EBF3: variants seen among roughly 807,000 people sequenced by gnomAD.
The protein encoded by EBF3 is transcription factor COE3.
In EBF3, 18 loss-of-function variants were observed where a neutral mutation model predicts 77.1. The ratio of observed to expected loss-of-function variants is 0.23; its 90% confidence interval spans 0.16 to 0.35. EBF3 has a LOEUF of 0.35. Among genes scored for constraint, EBF3 ranks in the 10% least tolerant of loss-of-function variants. EBF3 has a pLI of 1.00. For missense variants in EBF3, 558 were observed against 860.0 expected (o/e 0.65, Z 4.39); for synonymous variants, 350 against 343.5 (o/e 1.02, Z -0.21).
chr10:129,863,631 G>A lies in EBF3; in HGVS notation c.1039+3510C>T, dbSNP rs1022374666. Among the ~76,000 whole-genome samples the A allele has an allele frequency of 1.3e-5, 2 of 152,236 alleles. No individual in the cohort carries two copies. Among genetic ancestry groups the A allele is most frequent in the African/African-American group, 2.4e-5 (1 of 41,464 alleles). On this transcript the variant is annotated intron_variant, in intron 10 of 16. Transcript: ENST00000440978. This position sits in a 1 kb window ranked among gnomAD's most constrained non-coding sequence, Gnocchi z 4.0. ...GCCTCCGGGGCTGGGGGACACTGAT[G>A]GGAACCAGACGCCCAGGGGACGGTG...
Position 129,841,013 on chromosome 10 carries a change from T to C in EBF3, c.1392A>G (p.Thr464=), listed in dbSNP as rs914825432. 1 of 1,612,076 alleles carries C rather than the reference T, an allele frequency of 6.2e-7. No homozygotes were observed. Among genetic ancestry groups the C allele is most frequent in the Admixed American group, 1.7e-5 (1 of 59,802 alleles). The change falls in exon 14 of 17, where the codon ACA becomes ACG. Residue 464 remains threonine, a synonymous_variant. Transcript: ENST00000440978. The surrounding 1 kb of genome is among the most constrained non-coding windows in gnomAD (Gnocchi z 4.6). The part of the protein sequence containing the change: ...ANDQVGYSRN[T]SSVSPRGYVP... ...CGTAGCCTCGCGGGGACACGCTGCT[T>C]GTATTGCGACTGTAGCCGACTGTTG...
chr10:129,957,627 TGAG>T (rs1028548040), intron 5 of EBF3, among the ~76,000 whole-genome samples: 15 of 152,344 alleles, frequency 9.8e-5, no homozygotes, highest in African/African-American at 3.6e-4. Context: ...TGCAATGAAC[TGAG>T]GAGAAGGGAA....
chr10:129,912,361 T>A (rs989443559), intron 6 of EBF3, among the ~76,000 whole-genome samples: 4 of 152,216 alleles, frequency 2.6e-5, no homozygotes, highest in African/African-American at 9.6e-5. Context: ...TATGCAGAGC[T>A]GCCTGCTCAC....
chr10:129,936,755 TGTGG>T (rs1564906474), intron 6 of EBF3, among the ~76,000 whole-genome samples: 2 of 143,140 alleles, frequency 1.4e-5, no homozygotes, highest in Non-Finnish European at 3.1e-5. Flanking sequence ...CCCTCAGCTG[TGTGG>T]GGACCCAGGG....
intron 6 of EBF3, among the ~76,000 whole-genome samples, chr10:129,915,202 T>G (rs1021879391): frequency 6.6e-6 from 1 of 152,042 alleles, no homozygotes; most frequent in African/African-American, 2.4e-5. Context: ...GATGCTGCAA[T>G]GGGGCGCTGG....
chr10:129,871,415 A>G (rs1392007587), intron 8 of EBF3, among the ~76,000 whole-genome samples: 3 of 152,234 alleles, frequency 2.0e-5, no homozygotes, highest in Non-Finnish European at 4.4e-5. Flanking sequence ...GTTTACTTGG[A>G]AACCATCAGC....
intron 10 of EBF3, among the ~76,000 whole-genome samples, chr10:129,866,516 T>C (rs922162143): frequency 5.3e-5 from 8 of 152,238 alleles, no homozygotes; most frequent in African/African-American, 1.7e-4. Flanking sequence ...AACTGTAAGA[T>C]AGCAAGCATG....
intron 6 of EBF3, among the ~76,000 whole-genome samples, chr10:129,945,645 G>A (rs1225653462): frequency 2.0e-5 from 3 of 152,188 alleles, no homozygotes; most frequent in Non-Finnish European, 4.4e-5. Flanking sequence ...TAACATGACA[G>A]TTAAACCATG....
intron 10 of EBF3, among the ~76,000 whole-genome samples, chr10:129,850,833 G>C (rs1464251485): frequency 6.6e-6 from 1 of 152,142 alleles, no homozygotes; most frequent in South Asian, 2.1e-4. Flanking sequence ...GGCCCCTCTG[G>C]CCCACAGCCC....
chr10:129,908,678 T>C (rs556204010), intron 6 of EBF3, among the ~76,000 whole-genome samples: 1 of 152,328 alleles, frequency 6.6e-6, no homozygotes, highest in South Asian at 2.1e-4. Context: ...GTGGCGTTGA[T>C]CGGATTTCCC....
chr10:129,875,552 CA>C (rs929783135), intron 7 of EBF3, among the ~76,000 whole-genome samples: 2 of 152,232 alleles, frequency 1.3e-5, no homozygotes, highest in African/African-American at 4.8e-5. Context: ...AGGGGCGGTA[CA>C]CACGCATCCC....
chr10:129,931,177 A>G (rs1857004259), intron 6 of EBF3, among the ~76,000 whole-genome samples: 1 of 152,198 alleles, frequency 6.6e-6, no homozygotes, highest in Non-Finnish European at 1.5e-5. Flanking sequence ...GTCTTTCTGG[A>G]AAACTCTGAC....
intron 6 of EBF3, among the ~76,000 whole-genome samples, chr10:129,953,614 G>T (rs926971499): frequency 6.6e-6 from 1 of 152,296 alleles, no homozygotes; most frequent in Admixed American, 6.5e-5. Context: ...ATCTGGAACC[G>T]CCCCGCCGAG....
chr10:129,849,215 C>T (rs887572617), intron 10 of EBF3, among the ~76,000 whole-genome samples: 2 of 152,230 alleles, frequency 1.3e-5, no homozygotes, highest in African/African-American at 4.8e-5. Flanking sequence ...TTATAAGGAG[C>T]CATCGGGCTT....
rs570070459 is a variant in EBF3, at chr10:129,946,838, T to C, written c.554+10420A>G. Among the ~76,000 whole-genome samples, 4 of 152,344 alleles carry C rather than the reference T, an allele frequency of 2.6e-5. No individual in the cohort carries two copies. In the East Asian group the frequency reaches 5.8e-4, roughly 22 times the overall value. On this transcript the variant is annotated intron_variant, in intron 6 of 16. Transcript: ENST00000440978. ...CTCATTTATTTGTTCAAGGTAATGA[T>C]CTTTGGGGAAAGGGCTGTTATATTT...
chr10:129,865,857 G>T (rs957426565), intron 10 of EBF3, among the ~76,000 whole-genome samples: 2 of 152,160 alleles, frequency 1.3e-5, no homozygotes, highest in Admixed American at 1.3e-4. Context: ...CCCATTGGGC[G>T]TCCTTCAGGT....
chr10:129,932,803 C>T (rs1223268553), intron 6 of EBF3, among the ~76,000 whole-genome samples: 1 of 152,072 alleles, frequency 6.6e-6, no homozygotes, highest in African/African-American at 2.4e-5. Context: ...GGAGGCCGAG[C>T]TTCGGAACAA....
intron 3 of EBF3, 30 bp downstream of exon 3, chr10:129,962,912 A>AG (rs1438789717): frequency 6.2e-7 from 1 of 1,612,438 alleles, no homozygotes; most frequent in Admixed American, 1.7e-5. Flanking sequence ...CAGCCGCTGC[A>AG]GGGGCGGCGA....
chr10:129,935,016 CA>C lies in EBF3; in HGVS notation c.554+22241del, dbSNP rs766928678. Among the ~76,000 whole-genome samples, 9 of 152,134 alleles carry C rather than the reference CA, an allele frequency of 5.9e-5. No homozygotes were observed. Among genetic ancestry groups the C allele is most frequent in the Non-Finnish European group, 1.3e-4 (9 of 68,026 alleles). On this transcript the variant is annotated intron_variant, in intron 6 of 16. Transcript: ENST00000440978. The surrounding 1 kb of genome is among the most constrained non-coding windows in gnomAD (Gnocchi z 4.2). The stretch of plus-strand genomic sequence containing the variant: ...GTACCTGGTGGTGATCTAACTAGAT[CA>C]ATAACAAGTAATGTTTAAGATAAGT...
Sources: gnomAD v4.1 joint callset for allele counts (sites outside exome capture counted in the v4.1 genomes callset) on GRCh38, gnomAD v4.1.1 for gene constraint, Gnocchi (gnomAD v3.1) non-coding constraint, MANE v1.5 for transcripts, NCBI Gene and HGNC (gene_info 2026-07-23, HGNC 2026-07-21) for gene names.